The following PRKN variants were observed in gnomAD, a reference collection of about 807,000 sequenced individuals.
PRKN encodes parkin RBR E3 ubiquitin protein ligase, also known as E3 ubiquitin-protein ligase parkin.
Under a neutral mutation model 59.5 loss-of-function variants are expected in PRKN, and 56 were observed. The ratio of observed to expected loss-of-function variants is 0.94; its 90% CI spans 0.76 to 1.18. The LOEUF (loss-of-function observed/expected upper bound fraction) is 1.18, where lower values mean the gene tolerates loss of function less well. PRKN is among the 50% of genes most tolerant of loss of function. The pLI is 0.00. For synonymous variants in PRKN, 250 were observed against 222.1 expected (o/e 1.13, Z -1.12); for missense variants, 657 against 596.4 (o/e 1.10, Z -1.06).
intron 4 of PRKN, among the ~76,000 whole-genome samples, chr6:162,183,232 T>C (rs1004530160): frequency 1.3e-5 from 2 of 152,174 alleles, no homozygotes; most frequent in South Asian, 2.1e-4. Context: ...ATAGGGAAGA[T>C]GTAAGAGGAT....
intron 5 of PRKN, among the ~76,000 whole-genome samples, chr6:162,017,900 G>A (rs1365944350): frequency 3.9e-5 from 3 of 76,306 alleles, no homozygotes; most frequent in East Asian, 2.6e-4. Flanking sequence ...AAGAAACCCC[G>A]AGAGAGCCTC....
At chr6:162,353,880 T>C (rs776038849) in intron 2 of PRKN, among the ~76,000 whole-genome samples, 1 of 152,180 alleles carries the variant, frequency 6.6e-6, no homozygotes, top group Non-Finnish European at 1.5e-5. Flanking sequence ...TAGCAAAGAA[T>C]GTACAGTTTT....
At position 161,546,033 on chromosome 6, in the gene PRKN, A is replaced by G. The variant is rs1779783927; in HGVS notation, c.1083+2821T>C. Among the ~76,000 whole-genome samples, 1 of 152,214 alleles carries G rather than the reference A, an allele frequency of 6.6e-6. No homozygotes were observed. Among genetic ancestry groups the G allele is most frequent in the South Asian group, 2.1e-4 (1 of 4,830 alleles). On this transcript the variant is annotated intron_variant, in intron 9 of 11. Coordinates refer to ENST00000366898, the MANE Select transcript of PRKN (RefSeq NM_004562.3). The surrounding 1 kb of genome is among the most constrained non-coding windows in gnomAD (Gnocchi z 4.4). ...CTAGGTGCCCAGTTTCCTGCCGTAG[A>G]TCTGACTACATCCTGGATTCTAGAC...
At chr6:162,375,167 A>G (rs904187462) in intron 2 of PRKN, among the ~76,000 whole-genome samples, 4 of 152,148 alleles carry the variant, frequency 2.6e-5, no homozygotes, top group Non-Finnish European at 5.9e-5. Flanking sequence ...ATGGAAAAAG[A>G]GACCTAATAA....
Position 162,336,915 on chromosome 6 carries a change from G to T in PRKN, c.172-74150C>A, listed in dbSNP as rs1783871344. Among the ~76,000 whole-genome samples, 3 of 152,262 alleles carry T rather than the reference G, an allele frequency of 2.0e-5. No individual in the cohort carries two copies. In the South Asian group the frequency reaches 6.2e-4, roughly 32 times the overall value. On this transcript the variant is annotated intron_variant, in intron 2 of 11. Coordinates refer to ENST00000366898, the MANE Select transcript of PRKN (RefSeq NM_004562.3). ...GGCACTGAATTGTTTTCATCACTGGGGGAGAACATATCTACTCTCAGATAA... is the reference window on the plus strand; with the variant it reads ...GGCACTGAATTGTTTTCATCACTGGTGGAGAACATATCTACTCTCAGATAA...
rs1265430448 is a variant in PRKN at position 161,428,594 on chromosome 6, C to T, written c.1084-41717G>A. On this transcript the variant is annotated intron_variant, in intron 9 of 11. Transcript: ENST00000366898. The surrounding 1 kb of genome is among the most constrained non-coding windows in gnomAD (Gnocchi z 4.0). ...CTGCCTTTGATTGTTTGGCGGTTTG[C>T]TGTGTTCTCTGAGTGTTTTTCCACA... is the stretch of plus-strand genomic sequence containing the variant. Among the ~76,000 whole-genome samples, 2 of 152,202 alleles carry T rather than the reference C, an allele frequency of 1.3e-5. No individual in the cohort carries two copies. The highest frequency in any genetic ancestry group is 4.8e-5 in the African/African-American group (2 of 41,448).
intron 1 of PRKN, among the ~76,000 whole-genome samples, chr6:162,531,495 G>A (rs991651387): frequency 6.6e-6 from 1 of 152,110 alleles, no homozygotes; most frequent in East Asian, 1.9e-4. Context: ...AGTGAGCCAG[G>A]AGTGCTGATT....
chr6:161,689,054 G>C (rs1273454170), intron 7 of PRKN, among the ~76,000 whole-genome samples: 1 of 152,136 alleles, frequency 6.6e-6, no homozygotes, highest in Non-Finnish European at 1.5e-5. Flanking sequence ...CTCAGTCAAA[G>C]AGAAATTTAA....
chr6:161,799,548 C>T (rs899743377), intron 6 of PRKN, among the ~76,000 whole-genome samples: 6 of 152,190 alleles, frequency 3.9e-5, no homozygotes, highest in African/African-American at 1.4e-4. Context: ...GGAAAAGGCA[C>T]AAGAACTTTG....
At chr6:161,900,978 T>C (rs1352446980) in intron 6 of PRKN, among the ~76,000 whole-genome samples, 1 of 150,534 alleles carries the variant, frequency 6.6e-6, no homozygotes, top group African/African-American at 2.4e-5. Context: ...TGCAGTGGTA[T>C]GAGCTTGGCT....
intron 1 of PRKN, among the ~76,000 whole-genome samples, chr6:162,621,731 C>T (rs1015566467): frequency 1.1e-4 from 16 of 152,178 alleles, no homozygotes; most frequent in African/African-American, 3.9e-4. Context: ...CCTACTGACT[C>T]TATTCACTAT....
rs76505236 is a variant in PRKN, at chr6:162,106,306, C to T, written c.535-52132G>A. Among the ~76,000 whole-genome samples, 1,005 of 151,426 alleles carry T rather than the reference C, an allele frequency of 6.6e-3. 8 individuals carry two copies. Among genetic ancestry groups the T allele is most frequent in the African/African-American group, 0.023 (942 of 41,248 alleles). On this transcript the variant is annotated intron_variant, in intron 4 of 11. Transcript: ENST00000366898. Reference sequence around the variant, plus strand: ...TAATGTTGATAAATCAATAGCTCCGCGATGATGATAATCCCCAAAAGAACT... The same window carrying T: ...TAATGTTGATAAATCAATAGCTCCGTGATGATGATAATCCCCAAAAGAACT...
Position 161,487,881 on chromosome 6 carries a change from C to T in PRKN, c.1083+60973G>A, listed in dbSNP as rs1003882540. On this transcript the variant is annotated intron_variant, in intron 9 of 11. Transcript: ENST00000366898. The surrounding 1 kb of genome is among the most constrained non-coding windows in gnomAD (Gnocchi z 5.3). ...CTTGCCTCCCTCCCTTCCCACCTCC[C>T]CCTACCTTCCTTCCTCTTTTTCTTC... 1.3e-5 allele frequency among the ~76,000 whole-genome samples: 2 copies of T among 152,148 alleles called. No individual in the cohort carries two copies. Among genetic ancestry groups the T allele is most frequent in the South Asian group, 2.1e-4 (1 of 4,826 alleles).
At chr6:162,689,627 C>T (rs1464867312) in intron 1 of PRKN, among the ~76,000 whole-genome samples, 2 of 152,188 alleles carry the variant, frequency 1.3e-5, no homozygotes, top group Non-Finnish European at 2.9e-5. Flanking sequence ...CAAGGAAATA[C>T]ATGAAGCATC....
At chr6:162,384,656 A>AC (rs1554311152) in intron 2 of PRKN, among the ~76,000 whole-genome samples, 2 of 144,036 alleles carry the variant, frequency 1.4e-5, no homozygotes, top group Admixed American at 7.1e-5. Context: ...GTAAAAAAAA[A>AC]AAAAAACAAA....
At position 161,615,571 on chromosome 6, in the gene PRKN, C is replaced by A. The variant is rs181883508; in HGVS notation, c.872-46155G>T. Among the ~76,000 whole-genome samples the A allele has an allele frequency of 1.7e-3, 253 of 152,338 alleles. 1 individual carries two copies. Among genetic ancestry groups the A allele is most frequent in the African/African-American group, 5.9e-3 (247 of 41,576 alleles). ...AATGCATCCAACTATGTTACAATAG[C>A]CACAAGCACCGGCAAACAGCCAGCC... On this transcript the variant is annotated intron_variant, in intron 7 of 11. Coordinates refer to ENST00000366898, the MANE Select transcript of PRKN (RefSeq NM_004562.3).
chr6:161,394,501 C>T (rs984046719), intron 9 of PRKN, among the ~76,000 whole-genome samples: 1 of 152,136 alleles, frequency 6.6e-6, no homozygotes, highest in Non-Finnish European at 1.5e-5. Flanking sequence ...TGAACAGGTC[C>T]TTACTTTCTT....
intron 4 of PRKN, among the ~76,000 whole-genome samples, chr6:162,061,383 G>A (rs1022476501): frequency 1.3e-5 from 2 of 152,144 alleles, no homozygotes; most frequent in African/African-American, 2.4e-5. Context: ...TGCCTGAAGA[G>A]GGTTATTTTT....
At chr6:162,456,732 A>AACCTTGTTTTAT (rs1318445954) in intron 1 of PRKN, among the ~76,000 whole-genome samples, 1 of 152,186 alleles carries the variant, frequency 6.6e-6, no homozygotes, top group African/African-American at 2.4e-5. Context: ...GTCAATACAT[A>AACCTTGTTTTAT]ACCTTGTTTT....
Sources: gnomAD v4.1 joint callset for allele counts (sites outside exome capture counted in the v4.1 genomes callset) on GRCh38, gnomAD v4.1.1 for gene constraint, Gnocchi (gnomAD v3.1) non-coding constraint, MANE v1.5 for transcripts, NCBI Gene and HGNC (gene_info 2026-07-23, HGNC 2026-07-21) for gene names.